HUS1: variants seen among roughly 807,000 people sequenced by gnomAD.
HUS1 encodes the protein checkpoint protein HUS1.
HUS1 carries 31 observed loss-of-function variants against 32.6 expected under a neutral mutation model. The observed-to-expected ratio is 0.95, with a 90% CI of 0.72 to 1.28. The LOEUF is 1.28. Among genes scored for constraint, HUS1 ranks in the 50% most tolerant of loss-of-function variants. The probability of loss-of-function intolerance (pLI) is 0.00; values close to 1 mark genes in which losing one functional copy is unlikely to be tolerated. For missense variants in HUS1, 340 were observed against 337.7 expected (o/e 1.01, Z -0.05); for synonymous variants, 123 against 116.6 (o/e 1.06, Z -0.36).
At chr7:47,967,533 G>A (rs1788502928) in intron 7 of HUS1, among the ~76,000 whole-genome samples, 1 of 152,100 alleles carries the variant, frequency 6.6e-6, no homozygotes, top group Non-Finnish European at 1.5e-5. Flanking sequence ...GGCCAACTGA[G>A]GCAGCACACA....
chr7:47,969,820 T>C lies in HUS1; in HGVS notation c.541-502A>G, dbSNP rs182873094. On this transcript the variant is annotated intron_variant, in intron 5 of 7. Coordinates refer to ENST00000258774, the MANE Select transcript of HUS1 (RefSeq NM_004507.4). ...CAGATCTCAGAAAGTCCTGGGGATG[T>C]GGTGAGGATGCATGTTTTAATATTT... 6.2e-3 allele frequency among the ~76,000 whole-genome samples: 941 copies of C among 152,242 alleles called. 10 individuals are homozygous for C. The highest frequency in any genetic ancestry group is 6.1e-3 in the Non-Finnish European group (415 of 68,022).
intron 6 of HUS1, chr7:47,968,998 G>T (rs1490575695): frequency 2.0e-6 from 1 of 500,156 alleles, no homozygotes. Context: ...ACCCTGCACA[G>T]ATCTGTCAGC....
chr7:47,965,872 T>TG (rs1788467651), intron 7 of HUS1, among the ~76,000 whole-genome samples: 1 of 152,056 alleles, frequency 6.6e-6, no homozygotes, highest in South Asian at 2.1e-4. Flanking sequence ...TCAACGGTCC[T>TG]GCCAATCCCG....
chr7:47,978,157 T>A, intron 3 of HUS1: 1 of 380,662 alleles, frequency 2.6e-6, no homozygotes, highest in Non-Finnish European at 4.7e-6. Flanking sequence ...AAGGTGACAA[T>A]ACCACTACAA....
chr7:47,971,720 G>C (rs1397813099), intron 5 of HUS1, among the ~76,000 whole-genome samples: 1 of 152,138 alleles, frequency 6.6e-6, no homozygotes, highest in Non-Finnish European at 1.5e-5. Context: ...TTGCCATCTA[G>C]TACTAGAAAA....
intron 1 of HUS1, 54 bp from the exon 2 acceptor site, chr7:47,978,870 A>C: frequency 6.5e-7 from 1 of 1,544,566 alleles, no homozygotes; most frequent in South Asian, 1.2e-5. Flanking sequence ...TGTATCCTAG[A>C]GACCAACTTA....
rs1264475949 is a variant in HUS1, at chr7:47,975,701, G to A, written c.466-14C>T. 1.3e-6 allele frequency: 2 copies of A among 1,487,412 alleles called. No homozygotes were observed. Among genetic ancestry groups the A allele is most frequent in the Admixed American group, 1.8e-5 (1 of 55,448 alleles). 92.1% of individuals were successfully genotyped at this position (1,487,412 alleles called of 1,614,324 possible). ...ATAAATACTAACCTACAAAACCAAT[G>A]AGAAAAAAGCACAAGTATTAAAAAT... On this transcript the variant is annotated splice_polypyrimidine_tract_variant and intron_variant, in intron 4 of 7. Transcript: ENST00000258774.
chr7:47,978,359 A>G, intron 3 of HUS1, 58 bp downstream of exon 3: 6 of 1,440,864 alleles, frequency 4.2e-6, no homozygotes, highest in Admixed American at 1.9e-5. Flanking sequence ...TAGGCTAACT[A>G]TGTCTATTCC....
rs1263777627 is a variant in HUS1 at position 47,969,227 on chromosome 7, G to A, written c.632C>T (p.Pro211Leu). ...CCCACTAGAAAACTTACCTAATGGA[G>A]GATTTCCAAGATCTTTAAAATGAGT... ...VTTHFKDLGN[P>L]PLASESTHED... Residue 211 changes from proline (P) to leucine (L), a missense_variant, in exon 6 of 8, where the codon CCT becomes CTT. Transcript: ENST00000258774. 1.3e-6 allele frequency: 2 copies of A among 1,532,126 alleles called. No homozygotes were observed. Among genetic ancestry groups the A allele is most frequent in the Admixed American group, 3.7e-5 (2 of 54,260 alleles). 94.9% of individuals were successfully genotyped at this position (1,532,126 alleles called of 1,614,324 possible).
Position 47,964,871 on chromosome 7 carries a change from G to T in HUS1, c.*485C>A, listed in dbSNP as rs1442289599. 1 of 155,692 alleles carries T rather than the reference G, an allele frequency of 6.4e-6. No individual in the cohort carries two copies. The highest frequency in any genetic ancestry group is 2.4e-5 in the African/African-American group (1 of 41,410). The allele number at this position is 155,692 out of a possible 1,614,324, so 9.6% of individuals were successfully genotyped here. A position where few individuals can be genotyped will look rare whatever the true frequency, so the allele number is the denominator to read the frequency against. ...GAGTAACCAAGGCAGTGGCGGCGGGGTGACAGAGGCTGTTCTTTCTGTCAC... is the reference window on the plus strand; with the variant it reads ...GAGTAACCAAGGCAGTGGCGGCGGGTTGACAGAGGCTGTTCTTTCTGTCAC... On this transcript the variant is annotated 3_prime_UTR_variant, in exon 8 of 8. Transcript: ENST00000258774.
In HUS1 at chr7:47,979,486, A is replaced by G; in HGVS notation, c.34T>C (p.Cys12Arg). The G allele has an allele frequency of 6.2e-7, 1 of 1,613,322 alleles. No individual in the cohort carries two copies. The change falls in exon 1 of 8, where the codon TGT becomes CGT. Residue 12 changes from cysteine (C) to arginine (R), a missense_variant. Transcript: ENST00000258774. The stretch of plus-strand genomic sequence containing the variant: ...TGCTCACGTGTGAAGTGGTTCAGAC[A>G]GGCCCCGTCCACGATCTTGGCCCGA... ...KFRAKIVDGACLNHFTRISNM... is the reference protein window; with the variant it reads ...KFRAKIVDGARLNHFTRISNM...
Position 47,969,249 on chromosome 7 carries a change from G to A in HUS1, c.610C>T (p.His204Tyr). The change falls in exon 6 of 8, where the codon CAT (histidine) becomes TAT (tyrosine). Residue 204 changes from histidine (H) to tyrosine (Y), a missense_variant. By Grantham distance (83) the His-to-Tyr change is moderately conservative. Transcript: ENST00000258774. ...IETELVCVTT[H>Y]FKDLGNPPLA... ...GGAGGATTTCCAAGATCTTTAAAATGAGTTGTAACACATACTAATTCAGTT... is the reference window on the plus strand; with the variant it reads ...GGAGGATTTCCAAGATCTTTAAAATAAGTTGTAACACATACTAATTCAGTT... 5 of 1,582,302 alleles carry A rather than the reference G, an allele frequency of 3.2e-6. No individual in the cohort carries two copies. The highest frequency in any genetic ancestry group is 4.3e-6 in the Non-Finnish European group (5 of 1,158,700).
At chr7:47,967,648 A>T (rs542496665) in intron 7 of HUS1, among the ~76,000 whole-genome samples, 158 bp downstream of exon 7, 65 of 152,010 alleles carry the variant, frequency 4.3e-4, no homozygotes, top group African/African-American at 1.2e-3. Flanking sequence ...AGGAAAATTT[A>T]AAAAACCCCA....
intron 5 of HUS1, among the ~76,000 whole-genome samples, chr7:47,975,385 A>G (rs1331813048): frequency 6.6e-6 from 1 of 152,082 alleles, no homozygotes; most frequent in African/African-American, 2.4e-5. Context: ...CAGGCAGATT[A>G]AAGGCAAATA....
At position 47,976,400 on chromosome 7, in the gene HUS1, C is replaced by T. The variant is rs575056587; in HGVS notation, c.465+330G>A. On this transcript the variant is annotated intron_variant, in intron 4 of 7. Transcript: ENST00000258774. ...TGCACATCCAGATATCGCTCCTGAC[C>T]GGCTGAGGAAAAGATCAAGTCCTGT... is the stretch of plus-strand genomic sequence containing the variant. The T allele has an allele frequency of 2.6e-5, 12 of 466,624 alleles. No individual in the cohort carries two copies. The East Asian group carries it at 2.7e-4, about 10-fold the overall frequency. The allele number at this position is 466,624 out of a possible 1,614,324, so 28.9% of individuals were successfully genotyped here. A position where few individuals can be genotyped will look rare whatever the true frequency, so the allele number is the denominator to read the frequency against.
intron 7 of HUS1, among the ~76,000 whole-genome samples, chr7:47,966,412 C>T (rs1788479081): frequency 6.6e-6 from 1 of 152,206 alleles, no homozygotes; most frequent in African/African-American, 2.4e-5. Flanking sequence ...CTTAGTCAAC[C>T]ACCTTTGATA....
chr7:47,970,460 G>A (rs1400330244), intron 5 of HUS1, among the ~76,000 whole-genome samples: 1 of 151,852 alleles, frequency 6.6e-6, no homozygotes, highest in East Asian at 1.9e-4. Context: ...AATAGTAAGA[G>A]AAACTGGGAT....
At chr7:47,970,232 C>CCA (rs1554292300) in intron 5 of HUS1, among the ~76,000 whole-genome samples, 2 of 47,836 alleles carry the variant, frequency 4.2e-5, no homozygotes, top group East Asian at 1.4e-3. Context: ...GACTCTGTCT[C>CCA]AAAAAAAAAA....
intron 5 of HUS1, among the ~76,000 whole-genome samples, chr7:47,970,079 A>G (rs951219531): frequency 4.0e-5 from 6 of 151,700 alleles, no homozygotes; most frequent in African/African-American, 1.5e-4. Flanking sequence ...TAAAAATACA[A>G]AAAATTAGCC....
Sources: allele counts gnomAD v4.1 joint callset (sites outside exome capture counted in the v4.1 genomes callset), GRCh38; gene constraint gnomAD v4.1.1; transcripts MANE v1.5; gene names NCBI Gene and HGNC (gene_info 2026-07-23, HGNC 2026-07-21).